Variants in ESYT3 observed in about 807,000 individuals in gnomAD.
ESYT3 encodes the protein extended synaptotagmin 3, also known as extended synaptotagmin-3.
In ESYT3, 101 loss-of-function variants were observed where a neutral mutation model predicts 111.5. The observed-to-expected ratio is 0.91, with a 90% CI of 0.77 to 1.07. The LOEUF (loss-of-function observed/expected upper bound fraction) is 1.07. Ranked by LOEUF, ESYT3 falls within the 50% of genes least tolerant of loss-of-function variation. ESYT3 has a pLI of 0.00. For missense variants in ESYT3, 1,097 were observed against 1,109.4 expected (o/e 0.99, Z 0.16); for synonymous variants, 416 against 446.8 (o/e 0.93, Z 0.87).
chr3:138,450,241 A>C (rs1250552693), intron 1 of ESYT3, among the ~76,000 whole-genome samples: 1 of 152,228 alleles, frequency 6.6e-6, no homozygotes, highest in African/African-American at 2.4e-5. Flanking sequence ...TCTCCTCTCT[A>C]GGCCCATGTG....
At chr3:138,452,226 C>A (rs1176713028) in intron 2 of ESYT3, 137 bp downstream of exon 2, 1 of 727,532 alleles carries the variant, frequency 1.4e-6, no homozygotes, top group African/African-American at 1.8e-5. Flanking sequence ...CCCTTTCCCT[C>A]TTCTTTCACC....
At chr3:138,455,386 C>T (rs967227991) in intron 3 of ESYT3, 58 bp downstream of exon 3, 2 of 1,592,810 alleles carry the variant, frequency 1.3e-6, no homozygotes, top group South Asian at 1.1e-5. Context: ...TCTCTGTTCC[C>T]TCTCCTCCCA....
chr3:138,469,221 T>C (rs2033094272), intron 14 of ESYT3: 3 of 597,010 alleles, frequency 5.0e-6, no homozygotes, highest in African/African-American at 1.9e-5. Context: ...CTTCTGGTCT[T>C]TTAACTTGGA....
At chr3:138,471,092 G>A in intron 17 of ESYT3, 66 bp downstream of exon 17, 1 of 1,347,752 alleles carries the variant, frequency 7.4e-7, no homozygotes, top group Non-Finnish European at 1.1e-6. Context: ...AAGGTGTACT[G>A]CCCCAGCACT....
chr3:138,470,671 G>A, intron 16 of ESYT3: 1 of 1,387,638 alleles, frequency 7.2e-7, no homozygotes, highest in African/African-American at 1.5e-5. Context: ...GATCATAATT[G>A]CCTCTACTCT....
At position 138,440,231 on chromosome 3, in the gene ESYT3, C is replaced by T. The variant is rs370979013; in HGVS notation, c.327+5106C>T. Reference sequence around the variant, plus strand: ...CAAGCACCAGGGGAAAAAGGTGAGCCGTTCACACAAAGCGATGGGCATTCT... The same window carrying T: ...CAAGCACCAGGGGAAAAAGGTGAGCTGTTCACACAAAGCGATGGGCATTCT... On this transcript the variant is annotated intron_variant, in intron 1 of 22. Coordinates refer to ENST00000389567, the MANE Select transcript of ESYT3 (RefSeq NM_031913.5). The surrounding 1 kb of genome is among the most constrained non-coding windows in gnomAD (Gnocchi z 4.2). Among the ~76,000 whole-genome samples the T allele has an allele frequency of 2.0e-5, 3 of 152,182 alleles. No homozygotes were observed. The highest frequency in any genetic ancestry group is 2.1e-4 in the South Asian group (1 of 4,828).
chr3:138,436,434 T>C (rs909737398), intron 1 of ESYT3, among the ~76,000 whole-genome samples: 14 of 152,262 alleles, frequency 9.2e-5, no homozygotes, highest in Admixed American at 9.2e-4. Flanking sequence ...TTAAAAACCC[T>C]ACCTGCAAAT....
At chr3:138,446,529 A>G (rs2031551802) in intron 1 of ESYT3, among the ~76,000 whole-genome samples, 2 of 152,216 alleles carry the variant, frequency 1.3e-5, no homozygotes, top group South Asian at 4.1e-4. Context: ...TGAGATAGCA[A>G]TTGTCATATT....
chr3:138,435,076 A>G lies in ESYT3; in HGVS notation c.278A>G (p.Glu93Gly). ...GCCGCCTTCGAATTCCTTGACAATG[A>G]ACGCGAGTTCATCAGCCGCGAGCTG... ...LAAAFEFLDN[E>G]REFISRELRG... is the part of the protein sequence containing the mutation. The change falls in exon 1 of 23, where the codon GAA becomes GGA. Residue 93 changes from glutamate to glycine, a missense_variant. Glu to Gly is a moderately conservative substitution (Grantham distance 98). Transcript: ENST00000389567. The surrounding 1 kb of genome is among the most constrained non-coding windows in gnomAD (Gnocchi z 4.8). The G allele has an allele frequency of 6.3e-7, 1 of 1,594,080 alleles. No homozygotes were observed. Among genetic ancestry groups the G allele is most frequent in the Non-Finnish European group, 8.5e-7 (1 of 1,172,650 alleles).
rs769648482 is a variant in ESYT3, at chr3:138,434,938, G to T, written c.140G>T (p.Gly47Val). Residue 47 changes from glycine (G) to valine (V), a missense_variant, in exon 1 of 23, where the codon GGG becomes GTG. Transcript: ENST00000389567. ...TFVVRVLFYL[G>V]PVYLAGYLGL... ...GTGGTGCGCGTGCTGTTCTACCTGG[G>T]GCCTGTCTACCTAGCTGGCTACCTG... The T allele has an allele frequency of 4.5e-6, 7 of 1,552,430 alleles. No homozygotes were observed. The South Asian group carries it at 8.3e-5, about 18-fold the overall frequency.
rs771609913 is a variant in ESYT3 at position 138,468,639 on chromosome 3, CTG to C, written c.1309-12_1309-11del. On this transcript the variant is annotated splice_polypyrimidine_tract_variant and intron_variant, in intron 12 of 22. Coordinates refer to ENST00000389567, the MANE Select transcript of ESYT3 (RefSeq NM_031913.5). ...GCTGCTGGGAGTACCCAGTGAGGGTCTGTGTCTGTTTGCAGGACCATGGTGGC... is the reference window on the plus strand; with the variant it reads ...GCTGCTGGGAGTACCCAGTGAGGGTCTGTCTGTTTGCAGGACCATGGTGGC... 6.2e-7 allele frequency: 1 copy of C among 1,613,878 alleles called. No individual in the cohort carries two copies. The highest frequency in any genetic ancestry group is 8.5e-7 in the Non-Finnish European group (1 of 1,179,830).
Position 138,479,289 on chromosome 3 carries a change from C to T in ESYT3, c.*2435C>T, listed in dbSNP as rs756754053. 3 of 152,044 alleles carry T rather than the reference C, an allele frequency of 2.0e-5. No homozygotes were observed. Among genetic ancestry groups the T allele is most frequent in the Non-Finnish European group, 2.9e-5 (2 of 68,012 alleles). The allele number at this position is 152,044 out of a possible 1,614,324, so 9.4% of individuals were successfully genotyped here. Reference sequence around the variant, plus strand: ...TGTTCACAAGATATAAACAAATAACCAAAGATTTTTGCAAGGGTTCAGAAA... The same window carrying T: ...TGTTCACAAGATATAAACAAATAACTAAAGATTTTTGCAAGGGTTCAGAAA... On this transcript the variant is annotated 3_prime_UTR_variant, in exon 23 of 23. Transcript: ENST00000389567.
At chr3:138,452,323 GA>G (rs921731159) in intron 2 of ESYT3, among the ~76,000 whole-genome samples, 9 of 152,274 alleles carry the variant, frequency 5.9e-5, no homozygotes, top group African/African-American at 2.2e-4. Context: ...GAAGTATAGA[GA>G]AAAGTACAAT....
intron 22 of ESYT3, 28 bp from the exon 23 acceptor site, chr3:138,476,790 G>A (rs1265658096): frequency 5.0e-6 from 8 of 1,612,322 alleles, no homozygotes; most frequent in Admixed American, 1.7e-5. Flanking sequence ...CATTACTAAC[G>A]TTAAGTCCAA....
chr3:138,448,036 G>A (rs1268668238), intron 1 of ESYT3, among the ~76,000 whole-genome samples: 5 of 151,974 alleles, frequency 3.3e-5, no homozygotes, highest in Non-Finnish European at 7.4e-5. Flanking sequence ...GGGAGGCCGA[G>A]GCTGGTGGAT....
intron 1 of ESYT3, among the ~76,000 whole-genome samples, chr3:138,445,142 G>C (rs2031445602): frequency 6.6e-6 from 1 of 152,236 alleles, no homozygotes; most frequent in Non-Finnish European, 1.5e-5. Flanking sequence ...ACAGAAGTCT[G>C]AGAATCGCTG....
chr3:138,463,385 T>C (rs1679175), intron 8 of ESYT3, among the ~76,000 whole-genome samples: 94,071 of 152,064 alleles, frequency 0.62, 29,757 homozygotes, highest in East Asian at 0.94. Flanking sequence ...GTGAGCACTG[T>C]GCCTGGCCCC....
chr3:138,452,929 G>A (rs1172129636), intron 2 of ESYT3, among the ~76,000 whole-genome samples: 2 of 152,204 alleles, frequency 1.3e-5, no homozygotes, highest in Non-Finnish European at 2.9e-5. Context: ...GCATCAAAAA[G>A]CATTCCCTAG....
At position 138,472,712 on chromosome 3, in the gene ESYT3, C is replaced by A; in HGVS notation, c.2090C>A (p.Ser697Tyr). 6.2e-7 allele frequency: 1 copy of A among 1,614,228 alleles called. No individual in the cohort carries two copies. Among genetic ancestry groups the A allele is most frequent in the Non-Finnish European group, 8.5e-7 (1 of 1,180,050 alleles). Reference protein sequence around the residue: ...TIFLTVPGPHSPGPIKSPRPM... With the variant: ...TIFLTVPGPHYPGPIKSPRPM... ...TTCCTGACTGTCCCAGGTCCCCACT[C>A]TCCAGGGCCCATCAAGTCACCCAGA... Residue 697 changes from serine to tyrosine, a missense_variant, in exon 18 of 23, where the codon TCT becomes TAT. Transcript: ENST00000389567.
Sources: gnomAD v4.1 joint callset for allele counts (sites outside exome capture counted in the v4.1 genomes callset) on GRCh38, gnomAD v4.1.1 for gene constraint, Gnocchi (gnomAD v3.1) non-coding constraint, MANE v1.5 for transcripts, NCBI Gene and HGNC (gene_info 2026-07-23, HGNC 2026-07-21) for gene names.